EXOC5: variants seen among roughly 807,000 people sequenced by gnomAD.
EXOC5 encodes the protein exocyst complex component 5, also known as SEC10-like 1.
Under a neutral mutation model 90.8 loss-of-function variants are expected in EXOC5, and 17 were observed. That is an observed-to-expected ratio of 0.19 (90% CI 0.13 to 0.28). EXOC5 has a LOEUF of 0.28. Among genes scored for constraint, EXOC5 ranks in the 10% least tolerant of loss-of-function variants. The pLI is 1.00. For missense variants in EXOC5, 569 were observed against 830.6 expected (o/e 0.69, Z 3.87); for synonymous variants, 260 against 270.0 (o/e 0.96, Z 0.36).
At chr14:57,220,523 T>C (rs1269479347) in intron 13 of EXOC5, among the ~76,000 whole-genome samples, 4 of 151,968 alleles carry the variant, frequency 2.6e-5, no homozygotes. Context: ...AAGAAACCTT[T>C]AGGAAAATAG....
chr14:57,228,445 G>A, intron 12 of EXOC5, among the ~76,000 whole-genome samples: 1 of 152,066 alleles, frequency 6.6e-6, no homozygotes, highest in Non-Finnish European at 1.5e-5. Flanking sequence ...CAAAGACTTG[G>A]AACCAACCCA....
At chr14:57,262,211 T>C (rs1002719556) in intron 1 of EXOC5, among the ~76,000 whole-genome samples, 6 of 152,166 alleles carry the variant, frequency 3.9e-5, no homozygotes, top group African/African-American at 1.4e-4. Flanking sequence ...CTCTTAATAG[T>C]ATGCTTCTAA....
intron 1 of EXOC5, among the ~76,000 whole-genome samples, chr14:57,250,649 T>C (rs1884162669): frequency 6.6e-6 from 1 of 152,278 alleles, no homozygotes; most frequent in East Asian, 1.9e-4. Context: ...AATATGTCCA[T>C]GAGCATACCT....
chr14:57,232,732 C>T lies in EXOC5; in HGVS notation c.873G>A (p.Gln291=). ...CATCGGACTTCCTACATTCTTCTAA[C>T]TGCTCTTTCACAAAACTCTAAAAGA... is the stretch of plus-strand genomic sequence containing the variant. ...EIKLQSFVKE[Q]LEECRKSDAE... Residue 291 remains glutamine, a synonymous_variant, in exon 10 of 18, where the codon CAG becomes CAA. Transcript: ENST00000621441. 6.5e-7 allele frequency: 1 copy of T among 1,533,956 alleles called. No homozygotes were observed. The highest frequency in any genetic ancestry group is 8.9e-7 in the Non-Finnish European group (1 of 1,119,880).
At chr14:57,247,024 TAA>T (rs1485326668) in intron 2 of EXOC5, among the ~76,000 whole-genome samples, 166 bp from the exon 3 acceptor site, 2 of 152,210 alleles carry the variant, frequency 1.3e-5, no homozygotes, top group African/African-American at 4.8e-5. Context: ...CATCAAAAGA[TAA>T]AGTCTTTCTG....
chr14:57,216,495 G>A lies in EXOC5; in HGVS notation c.1613+1487C>T, dbSNP rs116252040. On this transcript the variant is annotated intron_variant, in intron 15 of 17. Coordinates refer to ENST00000621441, the MANE Select transcript of EXOC5 (RefSeq NM_006544.4). ...CCCAGAAATAAATCCATCCATTTAT[G>A]GTCAACTGCTCTTTAACAAGGGTGC... 5.2e-3 allele frequency among the ~76,000 whole-genome samples: 791 copies of A among 152,080 alleles called. 9 individuals are homozygous for A. Among genetic ancestry groups the A allele is most frequent in the African/African-American group, 0.018 (749 of 41,500 alleles).
At chr14:57,213,914 G>C (rs181322452) in intron 15 of EXOC5, among the ~76,000 whole-genome samples, 285 of 152,048 alleles carry the variant, frequency 1.9e-3, no homozygotes, top group African/African-American at 6.1e-3. Context: ...GGGTTGAAGA[G>C]AGCCAAGATC....
chr14:57,242,002 A>G (rs1403276859), intron 4 of EXOC5, among the ~76,000 whole-genome samples: 7 of 151,656 alleles, frequency 4.6e-5, no homozygotes, highest in South Asian at 2.1e-4. Context: ...GTATGGTGGC[A>G]GGCGCCTGTG....
At chr14:57,232,619 A>T (rs758719693) in intron 10 of EXOC5, 48 bp downstream of exon 10, 4 of 825,128 alleles carry the variant, frequency 4.8e-6, no homozygotes, top group Non-Finnish European at 7.6e-6. Flanking sequence ...TTATCAAAAA[A>T]ATTTAAAAAA....
In EXOC5 at chr14:57,209,633, A is replaced by C; in HGVS notation, c.1872T>G (p.Ser624Arg). 6.2e-7 allele frequency: 1 copy of C among 1,613,528 alleles called. No homozygotes were observed. Residue 624 changes from serine to arginine, a missense_variant, in exon 17 of 18, where the codon AGT (serine) becomes AGG (arginine). Transcript: ENST00000621441. ...IYEHLQQYSY[S>R]CMGGMLAICD... ...AAATGGCCAACATGCCACCCATACAACTGTAGGAATATTGTTGAAGATGCT... is the reference window on the plus strand; with the variant it reads ...AAATGGCCAACATGCCACCCATACACCTGTAGGAATATTGTTGAAGATGCT...
chr14:57,244,440 C>T (rs1883972235), intron 3 of EXOC5, 81 bp from the exon 4 acceptor site: 1 of 949,320 alleles, frequency 1.1e-6, no homozygotes, highest in East Asian at 2.4e-5. Flanking sequence ...TTGCTACTAA[C>T]TAAAGATAAC....
chr14:57,222,730 T>C (rs985424507), intron 12 of EXOC5, among the ~76,000 whole-genome samples: 10 of 149,470 alleles, frequency 6.7e-5, no homozygotes, highest in African/African-American at 2.5e-4. Context: ...ATATATTATA[T>C]ACACACACAT....
intron 1 of EXOC5, among the ~76,000 whole-genome samples, chr14:57,251,227 A>T (rs889876698): frequency 2.0e-5 from 3 of 152,166 alleles, no homozygotes; most frequent in Non-Finnish European, 4.4e-5. Context: ...GTGCTGTCCA[A>T]AAATTCCTGG....
At chr14:57,235,384 T>C (rs991506572) in intron 7 of EXOC5, among the ~76,000 whole-genome samples, 1 of 152,166 alleles carries the variant, frequency 6.6e-6, no homozygotes, top group Non-Finnish European at 1.5e-5. Context: ...GGTCACGTTT[T>C]CTTTCTTTTC....
At position 57,204,945 on chromosome 14, in the gene EXOC5, C is replaced by T. The variant is rs1227659844; in HGVS notation, c.*3664G>A. Reference sequence around the variant, plus strand: ...AAACTAAAGGATCTATTTAACGTTACGTAAGGAGAATAGCATATAGAACCT... The same window carrying T: ...AAACTAAAGGATCTATTTAACGTTATGTAAGGAGAATAGCATATAGAACCT... On this transcript the variant is annotated 3_prime_UTR_variant, in exon 18 of 18. Coordinates refer to ENST00000621441, the MANE Select transcript of EXOC5 (RefSeq NM_006544.4). The T allele has an allele frequency of 7.2e-5, 11 of 151,956 alleles. No individual in the cohort carries two copies. In the East Asian group the frequency reaches 2.1e-3, roughly 29 times the overall value. The allele number at this position is 151,956 out of a possible 1,614,324, so 9.4% of individuals were successfully genotyped here.
At chr14:57,213,266 T>A (rs1023942300) in intron 15 of EXOC5, among the ~76,000 whole-genome samples, 1 of 152,002 alleles carries the variant, frequency 6.6e-6, no homozygotes, top group African/African-American at 2.4e-5. Flanking sequence ...GCTGTGGTCC[T>A]AGCTACTCAA....
chr14:57,247,124 T>C (rs2139654543), intron 2 of EXOC5, among the ~76,000 whole-genome samples: 1 of 152,298 alleles, frequency 6.6e-6, no homozygotes, highest in South Asian at 2.1e-4. Context: ...GCTTTAACTA[T>C]TGACTTTTTC....
intron 3 of EXOC5, among the ~76,000 whole-genome samples, chr14:57,244,995 C>CA (rs202230061): frequency 0.19 from 15,065 of 78,974 alleles, 1,204 homozygotes; most frequent in African/African-American, 0.32. Flanking sequence ...AACTCTGCCT[C>CA]AAAAAAAAAA....
At chr14:57,244,068 G>T in intron 4 of EXOC5, 97 bp downstream of exon 4, 1 of 760,638 alleles carries the variant, frequency 1.3e-6, no homozygotes, top group Non-Finnish European at 2.2e-6. Context: ...GCTACTCAGT[G>T]ATTTGAAGTC....
Sources: gnomAD v4.1 joint callset for allele counts (sites outside exome capture counted in the v4.1 genomes callset) on GRCh38, gnomAD v4.1.1 for gene constraint, MANE v1.5 for transcripts, NCBI Gene and HGNC (gene_info 2026-07-23, HGNC 2026-07-21) for gene names.